Variants in ZFAT observed in about 807,000 individuals in gnomAD.
ZFAT encodes the protein zinc finger protein ZFAT.
A neutral mutation model predicts 117.7 loss-of-function variants in ZFAT; 64 were observed. That is an observed-to-expected ratio of 0.54 (90% CI 0.44 to 0.67). The LOEUF (loss-of-function observed/expected upper bound fraction) is 0.67. Ranked by LOEUF, ZFAT falls within the 30% of genes least tolerant of loss-of-function variation. The pLI is 0.00. For missense variants in ZFAT, 1,433 were observed against 1,584.5 expected (o/e 0.90, Z 1.62); for synonymous variants, 679 against 615.0 (o/e 1.10, Z -1.54).
chr8:134,523,482 C>A (rs1354248205), intron 12 of ZFAT, among the ~76,000 whole-genome samples: 10 of 152,218 alleles, frequency 6.6e-5, no homozygotes, highest in Admixed American at 2.0e-4. Context: ...ATGGGAGCAA[C>A]CAGCTCCTAA....
intron 1 of ZFAT, among the ~76,000 whole-genome samples, chr8:134,691,440 C>T (rs1304432553): frequency 1.3e-5 from 2 of 152,252 alleles, no homozygotes. Context: ...GGTCCATTCA[C>T]ACACATGTCC....
chr8:134,621,036 G>A (rs545722341), intron 3 of ZFAT, among the ~76,000 whole-genome samples: 7 of 151,912 alleles, frequency 4.6e-5, no homozygotes, highest in Non-Finnish European at 1.0e-4. Flanking sequence ...TCATTGTATT[G>A]AATGTTTAAA....
intron 3 of ZFAT, among the ~76,000 whole-genome samples, chr8:134,624,187 C>CACAG (rs2131035395): frequency 8.4e-6 from 1 of 118,366 alleles, no homozygotes; most frequent in Admixed American, 8.4e-5. Context: ...CATGCACACA[C>CACAG]ACACACACAC....
chr8:134,600,112 T>C (rs1305843834), intron 7 of ZFAT: 2 of 385,192 alleles, frequency 5.2e-6, no homozygotes, highest in East Asian at 6.2e-5. Context: ...ATCTCTGCTA[T>C]TAATTATTCT....
At chr8:134,497,130 G>T (rs539414167) in intron 15 of ZFAT, among the ~76,000 whole-genome samples, 95 of 152,380 alleles carry the variant, frequency 6.2e-4, no homozygotes, top group African/African-American at 2.2e-3. Context: ...GGAAAGTGGA[G>T]GGAAAGAGGT....
rs565195588 is a variant in ZFAT, at chr8:134,622,194, T to C, written c.449-11539A>G. ...GGTTTCTTTCGGTTTGTATTAATCA[T>C]GAGCTGCGACAGAGCCCCTTTCTCC... On this transcript the variant is annotated intron_variant, in intron 3 of 15. Transcript: ENST00000377838. Among the ~76,000 whole-genome samples the C allele has an allele frequency of 2.6e-5, 4 of 152,338 alleles. No individual in the cohort carries two copies. In the South Asian group the frequency reaches 8.3e-4, roughly 32 times the overall value.
At chr8:134,581,677 C>T (rs1249236008) in intron 10 of ZFAT, among the ~76,000 whole-genome samples, 1 of 152,170 alleles carries the variant, frequency 6.6e-6, no homozygotes, top group Non-Finnish European at 1.5e-5. Flanking sequence ...CTTCCGCCTC[C>T]AGTCTCAAGC....
the ZFAT span, among the ~76,000 whole-genome samples, chr8:134,803,360 G>A: frequency 6.6e-6 from 1 of 152,166 alleles, no homozygotes; most frequent in Non-Finnish European, 1.5e-5. Flanking sequence ...TGGCAGGGAA[G>A]ACTTCTGAGC....
chr8:134,654,546 C>T (rs904665467), intron 2 of ZFAT, among the ~76,000 whole-genome samples: 1 of 152,136 alleles, frequency 6.6e-6, no homozygotes, highest in Non-Finnish European at 1.5e-5. Flanking sequence ...AGAAGGGCCC[C>T]ACCAGTGAAT....
At chr8:134,613,723 G>A (rs1266302012) in intron 3 of ZFAT, among the ~76,000 whole-genome samples, 1 of 152,210 alleles carries the variant, frequency 6.6e-6, no homozygotes, top group African/African-American at 2.4e-5. Flanking sequence ...GGGCTCTGAG[G>A]AGAAGGGTCC....
chr8:134,585,283 G>A (rs912778260), intron 9 of ZFAT, among the ~76,000 whole-genome samples: 4 of 152,082 alleles, frequency 2.6e-5, no homozygotes, highest in Admixed American at 6.5e-5. Flanking sequence ...TTTCAACCCC[G>A]AGTCAAAGCT....
At chr8:134,494,986 A>G (rs1160064917) in intron 15 of ZFAT, among the ~76,000 whole-genome samples, 1 of 152,146 alleles carries the variant, frequency 6.6e-6, no homozygotes, top group African/African-American at 2.4e-5. Context: ...TCTCTCTCAG[A>G]GTAGGAAGAT....
chr8:134,682,879 C>A (rs1403809303), intron 1 of ZFAT, among the ~76,000 whole-genome samples: 2 of 152,114 alleles, frequency 1.3e-5, no homozygotes, highest in Non-Finnish European at 2.9e-5. Flanking sequence ...AGCACAACAA[C>A]CCTACTTTCA....
chr8:134,746,171 C>A, the ZFAT span, among the ~76,000 whole-genome samples: 2 of 152,196 alleles, frequency 1.3e-5, no homozygotes, highest in Non-Finnish European at 2.9e-5. Context: ...ATGAAAAGAA[C>A]CTCCTCCTTT....
chr8:134,754,163 A>G, the ZFAT span, among the ~76,000 whole-genome samples: 1 of 152,254 alleles, frequency 6.6e-6, no homozygotes, highest in Non-Finnish European at 1.5e-5. Flanking sequence ...TCCAGGCCAA[A>G]GCATCCATTA....
chr8:134,814,647 A>C, the ZFAT span, among the ~76,000 whole-genome samples: 2 of 152,208 alleles, frequency 1.3e-5, no homozygotes, highest in African/African-American at 4.8e-5. Flanking sequence ...AACAGACTCT[A>C]AACAGGGACA....
At position 134,640,375 on chromosome 8, in the gene ZFAT, T is replaced by C. The variant is rs562743975; in HGVS notation, c.197-2663A>G. 2.0e-5 allele frequency among the ~76,000 whole-genome samples: 3 copies of C among 152,268 alleles called. No individual in the cohort carries two copies. In the South Asian group the frequency reaches 6.2e-4, roughly 32 times the overall value. On this transcript the variant is annotated intron_variant, in intron 2 of 15. Coordinates refer to ENST00000377838, the MANE Select transcript of ZFAT (RefSeq NM_020863.4). Reference sequence around the variant, plus strand: ...GAGAACTGTGCCCTTAAGCTTGAGTTTGGCAAACTTACTATTGCGGGGTAG... The same window carrying C: ...GAGAACTGTGCCCTTAAGCTTGAGTCTGGCAAACTTACTATTGCGGGGTAG...
At chr8:134,813,595 AG>A in the ZFAT span, among the ~76,000 whole-genome samples, 7 of 152,250 alleles carry the variant, frequency 4.6e-5, no homozygotes, top group African/African-American at 1.7e-4. Flanking sequence ...TTGTATTTTT[AG>A]TAGAGACGGG....
chr8:134,548,161 T>C (rs978143439), intron 11 of ZFAT, among the ~76,000 whole-genome samples: 1 of 152,220 alleles, frequency 6.6e-6, no homozygotes, highest in Non-Finnish European at 1.5e-5. Flanking sequence ...ATTTGTTCAT[T>C]CAGCAAATAT....
Sources: allele counts gnomAD v4.1 joint callset (sites outside exome capture counted in the v4.1 genomes callset), GRCh38; gene constraint gnomAD v4.1.1; transcripts MANE v1.5; gene names NCBI Gene and HGNC (gene_info 2026-07-23, HGNC 2026-07-21).